Variants in CENPS observed in about 807,000 individuals in gnomAD.
CENPS encodes FANCM associated histone fold protein 1.
A neutral mutation model predicts 17.9 loss-of-function variants in CENPS; 16 were observed. The observed-to-expected ratio is 0.90, with a 90% CI of 0.61 to 1.36. The LOEUF (loss-of-function observed/expected upper bound fraction) is 1.36. Ranked by LOEUF, CENPS falls within the 40% of genes most tolerant of loss-of-function variation. The probability of loss-of-function intolerance (pLI) is 0.00; values close to 1 mark genes in which losing one functional copy is unlikely to be tolerated. For synonymous variants in CENPS, 49 were observed against 55.8 expected (o/e 0.88, Z 0.54); for missense variants, 160 against 158.6 (o/e 1.01, Z -0.05).
chr1:10,438,767 G>C (rs1364708143), intron 3 of CENPS, among the ~76,000 whole-genome samples: 1 of 152,184 alleles, frequency 6.6e-6, no homozygotes, highest in Non-Finnish European at 1.5e-5. Flanking sequence ...AGAGGACTGA[G>C]ATCGTTGTTT....
At chr1:10,433,796 C>T (rs375467346) in intron 1 of CENPS, 46 bp from the exon 2 acceptor site, 9 of 1,611,398 alleles carry the variant, frequency 5.6e-6, no homozygotes, top group Admixed American at 1.7e-5. Context: ...GTGAAAAGCT[C>T]TTATTTGCAG....
intron 1 of CENPS, chr1:10,431,365 G>A: frequency 6.5e-7 from 1 of 1,535,264 alleles, no homozygotes; most frequent in Non-Finnish European, 8.7e-7. Flanking sequence ...CTTGTCTTTT[G>A]AGAAGTTCAA....
intron 3 of CENPS, among the ~76,000 whole-genome samples, chr1:10,435,121 A>G (rs1482543206): frequency 6.6e-6 from 1 of 152,166 alleles, no homozygotes; most frequent in African/African-American, 2.4e-5. Flanking sequence ...ACAGAATGGC[A>G]GGCAGGGGTT....
Position 10,442,625 on chromosome 1 carries a change from C to A in CENPS, c.*220C>A. The A allele has an allele frequency of 1.5e-6, 1 of 646,042 alleles. No homozygotes were observed. The highest frequency in any genetic ancestry group is 1.9e-5 in the African/African-American group (1 of 52,852). The allele number at this position is 646,042 out of a possible 1,614,324, so 40.0% of individuals were successfully genotyped here. A position where few individuals can be genotyped will look rare whatever the true frequency, so the allele number is the denominator to read the frequency against. ...TTAAGCAAAATACTCCCAGGTCTCA[C>A]TCCAGAACATAAAAATGGTGTGTGA... On this transcript the variant is annotated 3_prime_UTR_variant, in exon 5 of 5. Coordinates refer to ENST00000309048, the MANE Select transcript of CENPS (RefSeq NM_199294.3).
intron 3 of CENPS, among the ~76,000 whole-genome samples, chr1:10,436,732 G>GAA (rs111588673): frequency 8.5e-5 from 12 of 140,804 alleles, no homozygotes; most frequent in South Asian, 4.5e-4. Flanking sequence ...GAAAAGAAAA[G>GAA]AAAAAAAAAA....
chr1:10,437,116 C>G (rs1035542081), intron 3 of CENPS, among the ~76,000 whole-genome samples: 14 of 152,086 alleles, frequency 9.2e-5, no homozygotes, highest in African/African-American at 3.4e-4. Context: ...AATGAGTATT[C>G]GTAACATTGT....
Position 10,431,257 on chromosome 1 carries a change from A to C in CENPS, c.51+689A>C, listed in dbSNP as rs1570015594. The C allele has an allele frequency of 3.9e-6, 6 of 1,534,776 alleles. No homozygotes were observed. In the East Asian group the frequency reaches 1.5e-4, roughly 38 times the overall value. ...CTTAAAAGCAAGACCCGGAGTGGCG[A>C]CCTTAAAGAGGACGGACTGAAGAAA... On this transcript the variant is annotated intron_variant, in intron 1 of 4. Coordinates refer to ENST00000309048, the MANE Select transcript of CENPS (RefSeq NM_199294.3).
chr1:10,436,660 C>A (rs35138970), intron 3 of CENPS, among the ~76,000 whole-genome samples: 2,372 of 148,120 alleles, frequency 0.016, 63 homozygotes, highest in African/African-American at 0.057. Context: ...GAGTCGAGAT[C>A]GTGCCCCTTC....
At chr1:10,441,313 C>CTTTT (rs747986112) in intron 4 of CENPS, among the ~76,000 whole-genome samples, 50 of 109,560 alleles carry the variant, frequency 4.6e-4, no homozygotes, top group Non-Finnish European at 6.5e-4. Context: ...TGTGCCACAA[C>CTTTT]TTTTTTTTTT....
At chr1:10,433,160 C>G (rs1214951096) in intron 1 of CENPS, among the ~76,000 whole-genome samples, 1 of 152,176 alleles carries the variant, frequency 6.6e-6, no homozygotes, top group Non-Finnish European at 1.5e-5. Context: ...CGACACGTGG[C>G]TGAGACCATT....
intron 3 of CENPS, among the ~76,000 whole-genome samples, chr1:10,434,899 G>C (rs1026163189): frequency 6.6e-6 from 1 of 152,268 alleles, no homozygotes; most frequent in Non-Finnish European, 1.5e-5. Context: ...AGTTTTCCAA[G>C]TATTTTTTGT....
chr1:10,440,808 C>T (rs1640374292), intron 4 of CENPS, among the ~76,000 whole-genome samples: 1 of 152,186 alleles, frequency 6.6e-6, no homozygotes, highest in Non-Finnish European at 1.5e-5. Flanking sequence ...TGCAGGAAAA[C>T]ACATTTTCCA....
At chr1:10,437,855 C>T (rs1395103708) in intron 3 of CENPS, among the ~76,000 whole-genome samples, 4 of 142,878 alleles carry the variant, frequency 2.8e-5, no homozygotes, top group Admixed American at 2.1e-4. Flanking sequence ...TTCTGCCTTG[C>T]GGATTCAAGT....
intron 1 of CENPS, 67 bp from the exon 2 acceptor site, chr1:10,433,775 T>G: frequency 6.2e-7 from 1 of 1,603,572 alleles, no homozygotes; most frequent in African/African-American, 1.3e-5. Context: ...TTGGTCTTCA[T>G]TTTTTAAGGC....
chr1:10,435,087 G>A (rs779305938), intron 3 of CENPS, among the ~76,000 whole-genome samples: 1 of 152,258 alleles, frequency 6.6e-6, no homozygotes, highest in Admixed American at 6.5e-5. Context: ...GCGTGTCCAC[G>A]GTGGTAATTG....
At chr1:10,431,763 G>A (rs1292158985) in intron 1 of CENPS, among the ~76,000 whole-genome samples, 1 of 150,776 alleles carries the variant, frequency 6.6e-6, no homozygotes, top group African/African-American at 2.4e-5. Flanking sequence ...TTGAGGCAGG[G>A]GAATCGCTTG....
At chr1:10,433,764 C>G in intron 1 of CENPS, 78 bp from the exon 2 acceptor site, 1 of 1,597,222 alleles carries the variant, frequency 6.3e-7, no homozygotes, top group Non-Finnish European at 8.5e-7. Flanking sequence ...AGACCCTCTC[C>G]TTGGTCTTCA....
At position 10,442,461 on chromosome 1, in the gene CENPS, C is replaced by A; in HGVS notation, c.*56C>A. Reference sequence around the variant, plus strand: ...CTACAGGTAGAGCCACCTAGAAATGCATATGGCTGCAAAGGAAACTTTGAA... The same window carrying A: ...CTACAGGTAGAGCCACCTAGAAATGAATATGGCTGCAAAGGAAACTTTGAA... On this transcript the variant is annotated 3_prime_UTR_variant, in exon 5 of 5. Transcript: ENST00000309048. 1 of 1,459,182 alleles carries A rather than the reference C, an allele frequency of 6.9e-7. No individual in the cohort carries two copies. The highest frequency in any genetic ancestry group is 1.6e-5 in the South Asian group (1 of 62,226). 90.4% of individuals were successfully genotyped at this position (1,459,182 alleles called of 1,614,324 possible).
At chr1:10,430,801 C>T (rs1639873231) in intron 1 of CENPS, 1 of 1,353,572 alleles carries the variant, frequency 7.4e-7, no homozygotes, top group South Asian at 1.9e-5. Context: ...TCTAGGGGAG[C>T]GTGCGGGCGC....
Sources: allele counts gnomAD v4.1 joint callset (sites outside exome capture counted in the v4.1 genomes callset), GRCh38; gene constraint gnomAD v4.1.1; transcripts MANE v1.5; gene names NCBI Gene and HGNC (gene_info 2026-07-23, HGNC 2026-07-21).